Variants in ZNF223 observed in about 807,000 individuals in gnomAD.
The protein encoded by ZNF223 is zinc finger protein 223.
Under a neutral mutation model 12.3 loss-of-function variants are expected in ZNF223, and 9 were observed. That is an observed-to-expected ratio of 0.73 (90% CI 0.44 to 1.28). ZNF223 has a LOEUF of 1.28. Ranked by LOEUF, ZNF223 falls within the 50% of genes most tolerant of loss-of-function variation. The pLI is 0.00. For missense variants in ZNF223, 506 were observed against 579.0 expected (o/e 0.87, Z 1.29); for synonymous variants, 171 against 195.2 (o/e 0.88, Z 1.03).
chr19:44,052,127 C>G lies in ZNF223; in HGVS notation c.-137C>G, dbSNP rs930073005. On this transcript the variant is annotated 5_prime_UTR_variant, in exon 1 of 5. Coordinates refer to ENST00000434772, the MANE Select transcript of ZNF223 (RefSeq NM_013361.6). ...GAACGAACCCCCTTTGCTTGAGGCT[C>G]GCAACCACCCGATGATCGATGATCG... 6.5e-6 allele frequency: 1 copy of G among 154,048 alleles called. No homozygotes were observed. Among genetic ancestry groups the G allele is most frequent in the Non-Finnish European group, 1.5e-5 (1 of 68,136 alleles). 9.5% of individuals were successfully genotyped at this position (154,048 alleles called of 1,614,324 possible).
rs1209024075 is a variant in ZNF223, at chr19:44,055,170, A to G, written c.-7A>G. ...GACTCTGCAAATTCCCTAAAGTAGG[A>G]GGAAAAATGACCATGTCCAAGGTAA... On this transcript the variant is annotated 5_prime_UTR_variant, in exon 2 of 5. Transcript: ENST00000434772. 3 of 1,613,222 alleles carry G rather than the reference A, an allele frequency of 1.9e-6. No individual in the cohort carries two copies. In the African/African-American group the frequency reaches 4.0e-5, roughly 22 times the overall value.
intron 4 of ZNF223, 58 bp from the exon 5 acceptor site, chr19:44,066,006 T>C: frequency 6.6e-7 from 1 of 1,521,638 alleles, no homozygotes; most frequent in African/African-American, 1.4e-5. Flanking sequence ...GTGTGAACTC[T>C]TAAAAACACT....
intron 4 of ZNF223, among the ~76,000 whole-genome samples, chr19:44,061,425 T>C (rs1976837547): frequency 6.6e-6 from 1 of 152,236 alleles, no homozygotes; most frequent in African/African-American, 2.4e-5. Context: ...TTCACTTTGT[T>C]TTACCAGTCC....
intron 4 of ZNF223, 57 bp from the exon 5 acceptor site, chr19:44,066,007 T>TAA: frequency 6.6e-7 from 1 of 1,521,698 alleles, no homozygotes; most frequent in Non-Finnish European, 8.8e-7. Flanking sequence ...TGTGAACTCT[T>TAA]AAAAACACTG....
chr19:44,067,138 T>C lies in ZNF223; in HGVS notation c.1310T>C (p.Leu437Pro), dbSNP rs200145955. ...AAATGTGAGGATTGTGGAAAGAAGC[T>C]TGTATACCGGTCATACCGTAAAGAC... is the stretch of plus-strand genomic sequence containing the variant. Reference protein sequence around the residue: ...PFKCEDCGKKLVYRSYRKDQQ... With the variant: ...PFKCEDCGKKPVYRSYRKDQQ... Residue 437 changes from leucine (L) to proline (P), a missense_variant, in exon 5 of 5, where the codon CTT becomes CCT. Leu to Pro is a moderately conservative substitution (Grantham distance 98, BLOSUM62 -3). Coordinates refer to ENST00000434772, the MANE Select transcript of ZNF223 (RefSeq NM_013361.6). The C allele has an allele frequency of 3.5e-5, 57 of 1,613,528 alleles. No individual in the cohort carries two copies. In the African/African-American group the frequency reaches 5.7e-4, roughly 16 times the overall value.
intron 2 of ZNF223, among the ~76,000 whole-genome samples, chr19:44,059,598 C>G (rs1210564355): frequency 6.6e-6 from 1 of 152,158 alleles, no homozygotes; most frequent in Admixed American, 6.5e-5. Context: ...CTGCCATATC[C>G]TTGGGGGAAC....
intron 4 of ZNF223, among the ~76,000 whole-genome samples, chr19:44,064,101 A>G (rs1379200421): frequency 6.6e-6 from 1 of 152,226 alleles, no homozygotes; most frequent in Non-Finnish European, 1.5e-5. Flanking sequence ...TCATGCATGT[A>G]GGTGTATGTG....
rs959367666 is a variant in ZNF223, at chr19:44,067,010, C to T, written c.1182C>T (p.His394=). 1 of 1,613,148 alleles carries T rather than the reference C, an allele frequency of 6.2e-7. No homozygotes were observed. Among genetic ancestry groups the T allele is most frequent in the Non-Finnish European group, 8.5e-7 (1 of 1,179,198 alleles). Residue 394 remains histidine (H), a synonymous_variant, in exon 5 of 5, where the codon CAC becomes CAT. Coordinates refer to ENST00000434772, the MANE Select transcript of ZNF223 (RefSeq NM_013361.6). Reference sequence around the variant, plus strand: ...GTCTTGACTTGCACCATAGAGCCCACACAGGAGAGAGACCTTATAACTGTG... The same window carrying T: ...GTCTTGACTTGCACCATAGAGCCCATACAGGAGAGAGACCTTATAACTGTG... ...KSGLDLHHRA[H]TGERPYNCDD...
In ZNF223 at chr19:44,060,274, G is replaced by C. The variant is rs146517000; in HGVS notation, c.16-181G>C. The C allele has an allele frequency of 3.9e-4, 411 of 1,064,258 alleles. 1 individual carries two copies. In the East Asian group the frequency reaches 0.01, roughly 26 times the overall value. The allele number at this position is 1,064,258 out of a possible 1,614,324, so 65.9% of individuals were successfully genotyped here. On this transcript the variant is annotated intron_variant, in intron 2 of 4. Transcript: ENST00000434772. ...GTCGTTGGACTTCTGATGACGCTTG[G>C]GACAATCAAGGTGTGTCATTGTCAG...
In ZNF223 at chr19:44,066,274, A is replaced by G. The variant is rs771618178; in HGVS notation, c.446A>G (p.Asn149Ser). 5 of 1,614,232 alleles carry G rather than the reference A, an allele frequency of 3.1e-6. No homozygotes were observed. The highest frequency in any genetic ancestry group is 4.2e-6 in the Non-Finnish European group (5 of 1,180,036). Residue 149 changes from asparagine to serine, a missense_variant, in exon 5 of 5, where the codon AAT (asparagine) becomes AGT (serine). Transcript: ENST00000434772. Reference sequence around the variant, plus strand: ...ATGCACACAGGACAGAAACCTTCCAATTGTGGGAAGTGTAAACAATCCTTC... The same window carrying G: ...ATGCACACAGGACAGAAACCTTCCAGTTGTGGGAAGTGTAAACAATCCTTC... ...SIMHTGQKPS[N>S]CGKCKQSFSD...
intron 2 of ZNF223, among the ~76,000 whole-genome samples, chr19:44,055,444 G>A (rs574810750): frequency 1.4e-5 from 2 of 143,780 alleles, no homozygotes; most frequent in East Asian, 2.4e-4. Context: ...GTGAGCCACC[G>A]CACCCAGCCA....
In ZNF223 at chr19:44,066,454, G is replaced by A. The variant is rs774273708; in HGVS notation, c.626G>A (p.Cys209Tyr). ...GAGAAACTCTTTAAGTGTGACGTGTGTGGTAAGGAATTCAGTCAGAGTTTA... is the reference window on the plus strand; with the variant it reads ...GAGAAACTCTTTAAGTGTGACGTGTATGGTAAGGAATTCAGTCAGAGTTTA... ...LGEKLFKCDV[C>Y]GKEFSQSLHL... The change falls in exon 5 of 5, where the codon TGT becomes TAT. Residue 209 changes from cysteine (C) to tyrosine (Y), a missense_variant. Cys to Tyr is a radical substitution (Grantham distance 194). Transcript: ENST00000434772. 4.3e-6 allele frequency: 7 copies of A among 1,614,108 alleles called. No individual in the cohort carries two copies. Among genetic ancestry groups the A allele is most frequent in the Non-Finnish European group, 5.9e-6 (7 of 1,180,046 alleles).
Position 44,067,654 on chromosome 19 carries a change from C to T in ZNF223, c.*377C>T. On this transcript the variant is annotated 3_prime_UTR_variant, in exon 5 of 5. Transcript: ENST00000434772. ...TTTGAAGTTAGTGTTTCAGCCATAG[C>T]TCAGCATACCCCAGTGGTCGTGGGA... 2.5e-6 allele frequency: 1 copy of T among 403,642 alleles called. No individual in the cohort carries two copies. Among genetic ancestry groups the T allele is most frequent in the Non-Finnish European group, 4.8e-6 (1 of 207,768 alleles). 25.0% of individuals were successfully genotyped at this position (403,642 alleles called of 1,614,324 possible).
rs747356229 is a variant in ZNF223 at position 44,067,081 on chromosome 19, A to G, written c.1253A>G (p.His418Arg). ...SFRQASSILN[H>R]KRLHCRKKPF... ...AGACAGGCCTCAAGTATTTTGAATC[A>G]TAAGAGACTCCATTGCCGAAAAAAA... Residue 418 changes from histidine to arginine, a missense_variant, in exon 5 of 5, where the codon CAT becomes CGT. His to Arg is a conservative substitution (Grantham distance 29). Coordinates refer to ENST00000434772, the MANE Select transcript of ZNF223 (RefSeq NM_013361.6). 1.2e-6 allele frequency: 2 copies of G among 1,613,794 alleles called. No individual in the cohort carries two copies. The highest frequency in any genetic ancestry group is 2.2e-5 in the East Asian group (1 of 44,894).
chr19:44,066,612 T>G lies in ZNF223; in HGVS notation c.784T>G (p.Cys262Gly). Residue 262 changes from cysteine (C) to glycine (G), a missense_variant, in exon 5 of 5, where the codon TGT becomes GGT. Cys to Gly is a radical substitution (Grantham distance 159). Transcript: ENST00000434772. ...ACACATGGGAGAGAAACATTATAAT[T>G]GTGAGGCATGTGGGAGGGCCTTCAT... ...KLHMGEKHYN[C>G]EACGRAFIHD... The G allele has an allele frequency of 6.2e-7, 1 of 1,614,150 alleles. No homozygotes were observed.
intron 4 of ZNF223, among the ~76,000 whole-genome samples, chr19:44,062,818 G>T (rs1290272094): frequency 6.6e-6 from 1 of 152,208 alleles, no homozygotes; most frequent in Non-Finnish European, 1.5e-5. Flanking sequence ...CTTTTCCAAA[G>T]TCGGCCCACA....
At chr19:44,059,410 G>A (rs1716041882) in intron 2 of ZNF223, among the ~76,000 whole-genome samples, 1 of 152,186 alleles carries the variant, frequency 6.6e-6, no homozygotes, top group Admixed American at 6.5e-5. Context: ...CAGGGTTATG[G>A]AGCTGTTGGT....
chr19:44,066,610 A>T lies in ZNF223; in HGVS notation c.782A>T (p.Asn261Ile). 1 of 1,614,218 alleles carries T rather than the reference A, an allele frequency of 6.2e-7. No individual in the cohort carries two copies. Among genetic ancestry groups the T allele is most frequent in the East Asian group, 2.2e-5 (1 of 44,888 alleles). ...TTACACATGGGAGAGAAACATTATA[A>T]TTGTGAGGCATGTGGGAGGGCCTTC... ...CKLHMGEKHY[N>I]CEACGRAFIH... Residue 261 changes from asparagine (N) to isoleucine (I), a missense_variant, in exon 5 of 5, where the codon AAT (asparagine) becomes ATT (isoleucine). Coordinates refer to ENST00000434772, the MANE Select transcript of ZNF223 (RefSeq NM_013361.6).
At chr19:44,060,936 A>C in intron 4 of ZNF223, 95 bp downstream of exon 4, 3 of 1,214,016 alleles carry the variant, frequency 2.5e-6, no homozygotes, top group Non-Finnish European at 2.4e-6. Context: ...AAATGGCCAA[A>C]CATCTTTGCT....
Sources: allele counts gnomAD v4.1 joint callset (sites outside exome capture counted in the v4.1 genomes callset), GRCh38; gene constraint gnomAD v4.1.1; transcripts MANE v1.5; gene names NCBI Gene and HGNC (gene_info 2026-07-23, HGNC 2026-07-21).